HYDIN: variants seen among roughly 807,000 people sequenced by gnomAD.
HYDIN encodes the protein HYDIN axonemal central pair apparatus protein, also known as axonemal central pair apparatus protein HYDIN.
In HYDIN, 132 loss-of-function variants were observed where a neutral mutation model predicts 403.9. That is an observed-to-expected ratio of 0.33 (90% CI 0.28 to 0.38). HYDIN has a LOEUF of 0.38. Ranked by LOEUF, HYDIN falls within the 10% of genes least tolerant of loss-of-function variation. The pLI, the probability that HYDIN is intolerant of heterozygous loss-of-function variation, is 1.00. For missense variants in HYDIN, 2,827 were observed against 5,009.5 expected (o/e 0.56, Z 13.15); for synonymous variants, 1,202 against 1,891.7 (o/e 0.64, Z 9.46).
chr16:71,210,691 T>C (rs1360846388), intron 1 of HYDIN, among the ~76,000 whole-genome samples: 1 of 152,178 alleles, frequency 6.6e-6, no homozygotes, highest in African/African-American at 2.4e-5. Context: ...AAATTGTCTA[T>C]GAATGCCAGG....
chr16:71,098,733 T>TAAAAAAAAAA (rs56001948), intron 10 of HYDIN, among the ~76,000 whole-genome samples: 2 of 128,184 alleles, frequency 1.6e-5, no homozygotes, highest in African/African-American at 5.8e-5. Flanking sequence ...CTGCCTTTCT[T>TAAAAAAAAAA]AAAAAAAAAA....
intron 39 of HYDIN, among the ~76,000 whole-genome samples, chr16:70,959,138 T>C (rs1359529956): frequency 1.3e-5 from 2 of 150,628 alleles, no homozygotes; most frequent in Non-Finnish European, 3.0e-5. Context: ...TAAAGGATTC[T>C]CGTTAAAAAA....
chr16:71,212,791 G>A (rs1314319205), intron 1 of HYDIN, among the ~76,000 whole-genome samples: 1 of 152,028 alleles, frequency 6.6e-6, no homozygotes, highest in African/African-American at 2.4e-5. Flanking sequence ...AATAACAACT[G>A]ATAATTTACC....
chr16:70,943,988 C>G (rs1163996198), intron 41 of HYDIN, 39 bp from the exon 42 acceptor site: 1 of 1,494,544 alleles, frequency 6.7e-7, no homozygotes, highest in African/African-American at 1.4e-5. Flanking sequence ...AGAATCTGGC[C>G]TTGTATCTCA....
intron 1 of HYDIN, among the ~76,000 whole-genome samples, chr16:71,228,380 C>A (rs1598082819): frequency 6.6e-6 from 1 of 152,300 alleles, no homozygotes; most frequent in East Asian, 1.9e-4. Flanking sequence ...AGGCAACCTA[C>A]AGAATGGGAG....
At chr16:70,937,185 G>C (rs976399469) in intron 44 of HYDIN, among the ~76,000 whole-genome samples, 7 of 151,596 alleles carry the variant, frequency 4.6e-5, no homozygotes, top group African/African-American at 1.5e-4. Context: ...CAAACAAGTT[G>C]TTGCTGCACT....
intron 71 of HYDIN, among the ~76,000 whole-genome samples, chr16:70,859,077 A>G (rs369534308): frequency 1.3e-5 from 2 of 151,552 alleles, no homozygotes; most frequent in East Asian, 1.9e-4. Context: ...CGAGACGGGC[A>G]GATCACGAGG....
At chr16:71,134,215 A>T (rs958720942) in intron 8 of HYDIN, among the ~76,000 whole-genome samples, 6 of 152,102 alleles carry the variant, frequency 3.9e-5, no homozygotes, top group African/African-American at 1.5e-4. Flanking sequence ...AGCTATTAGC[A>T]TTATTGAAGC....
At chr16:71,171,458 T>C (rs1363381404) in intron 5 of HYDIN, among the ~76,000 whole-genome samples, 1 of 152,244 alleles carries the variant, frequency 6.6e-6, no homozygotes, top group East Asian at 1.9e-4. Flanking sequence ...TAAAGCTTGT[T>C]CTATTCTCCA....
At chr16:71,110,648 G>C (rs2083795189) in intron 10 of HYDIN, among the ~76,000 whole-genome samples, 1 of 151,574 alleles carries the variant, frequency 6.6e-6, no homozygotes, top group Non-Finnish European at 1.5e-5. Flanking sequence ...GGGAAGGTGA[G>C]GGAAACTTCA....
intron 3 of HYDIN, among the ~76,000 whole-genome samples, chr16:71,183,328 A>T (rs1189128223): frequency 6.6e-6 from 1 of 152,182 alleles, no homozygotes; most frequent in Non-Finnish European, 1.5e-5. Flanking sequence ...ATGAGAGAGG[A>T]AATGCAAGCT....
In HYDIN at chr16:70,849,671, C is replaced by T. The variant is rs538027929; in HGVS notation, c.12873+55G>A. 1.7e-5 allele frequency: 21 copies of T among 1,239,532 alleles called. No individual in the cohort carries two copies. The East Asian group carries it at 4.4e-4, about 26-fold the overall frequency. 76.8% of individuals were successfully genotyped at this position (1,239,532 alleles called of 1,614,324 possible). ...AGAACACACAGGAGAATTAACCTGCCAAGGCAGCATGCTGAGAGTACTTTT... is the reference window on the plus strand; with the variant it reads ...AGAACACACAGGAGAATTAACCTGCTAAGGCAGCATGCTGAGAGTACTTTT... On this transcript the variant is annotated intron_variant, in intron 75 of 85. Coordinates refer to ENST00000393567, the MANE Select transcript of HYDIN (RefSeq NM_001270974.2).
intron 45 of HYDIN, among the ~76,000 whole-genome samples, chr16:70,931,195 G>C (rs1386458526): frequency 2.3e-5 from 3 of 128,426 alleles, no homozygotes; most frequent in Non-Finnish European, 1.7e-5. Flanking sequence ...TGGGTTTTCT[G>C]TCTCTCTTTC....
chr16:70,898,084 G>C (rs568073743), intron 53 of HYDIN, among the ~76,000 whole-genome samples: 213 of 152,218 alleles, frequency 1.4e-3, no homozygotes, highest in African/African-American at 4.8e-3. Flanking sequence ...TGGGAGGATT[G>C]CTTGAGCCCA....
chr16:70,897,634 G>T (rs1374976666), intron 53 of HYDIN, among the ~76,000 whole-genome samples: 1 of 144,812 alleles, frequency 6.9e-6, no homozygotes, highest in Non-Finnish European at 1.5e-5. Context: ...CAGTGGGGAG[G>T]CTGAATTTTG....
chr16:70,855,677 C>A (rs1160130523), intron 72 of HYDIN, among the ~76,000 whole-genome samples: 1 of 152,264 alleles, frequency 6.6e-6, no homozygotes, highest in Non-Finnish European at 1.5e-5. Flanking sequence ...GAAAATAGAC[C>A]TTTGGTATTG....
intron 13 of HYDIN, among the ~76,000 whole-genome samples, chr16:71,071,557 A>G (rs1007132469): frequency 1.3e-5 from 2 of 150,444 alleles, no homozygotes; most frequent in Admixed American, 1.3e-4. Flanking sequence ...TGTCTCAAGG[A>G]TTCACAGAGG....
intron 45 of HYDIN, among the ~76,000 whole-genome samples, chr16:70,932,395 A>G (rs1385040188): frequency 1.3e-5 from 2 of 152,072 alleles, no homozygotes; most frequent in Non-Finnish European, 2.9e-5. Context: ...ACATACCCAC[A>G]CATAAAACAA....
At chr16:71,054,835 A>G (rs1246021978) in intron 18 of HYDIN, among the ~76,000 whole-genome samples, 1 of 151,786 alleles carries the variant, frequency 6.6e-6, no homozygotes, top group Admixed American at 6.6e-5. Flanking sequence ...ACATAACTAA[A>G]TGCTCTATGT....
Sources: allele counts gnomAD v4.1 joint callset (sites outside exome capture counted in the v4.1 genomes callset), GRCh38; gene constraint gnomAD v4.1.1; transcripts MANE v1.5; gene names NCBI Gene and HGNC (gene_info 2026-07-23, HGNC 2026-07-21).